The following EPHA5 variants were observed in gnomAD, a reference collection of about 807,000 sequenced individuals.
EPHA5 encodes the protein ephrin type-A receptor 5.
EPHA5 carries 60 observed loss-of-function variants against 105.0 expected under a neutral mutation model. The observed-to-expected ratio is 0.57, with a 90% CI of 0.46 to 0.71. The LOEUF (loss-of-function observed/expected upper bound fraction) is 0.71. Ranked by LOEUF, EPHA5 falls within the 30% of genes least tolerant of loss-of-function variation. The probability of loss-of-function intolerance (pLI) is 0.00; values close to 1 mark genes in which losing one functional copy is unlikely to be tolerated. For missense variants in EPHA5, 1,218 were observed against 1,274.7 expected (o/e 0.96, Z 0.68); for synonymous variants, 513 against 449.1 (o/e 1.14, Z -1.80).
At chr4:65,434,516 G>A (rs1207935734) in intron 5 of EPHA5, among the ~76,000 whole-genome samples, 3 of 151,842 alleles carry the variant, frequency 2.0e-5, no homozygotes, top group African/African-American at 7.3e-5. Context: ...CACTTTCCAC[G>A]GGACTACTTA....
Position 65,601,987 on chromosome 4 carries a change from A to G in EPHA5, c.564T>C (p.Leu188=), listed in dbSNP as rs956387294. 6.2e-7 allele frequency: 1 copy of G among 1,614,166 alleles called. No individual in the cohort carries two copies. The highest frequency in any genetic ancestry group is 1.1e-5 in the South Asian group (1 of 91,090). The change falls in exon 3 of 17, where the codon CTT becomes CTC. Residue 188 remains leucine (L), a synonymous_variant. Transcript: ENST00000613740. ...TATTCAGTTTCATAACACGGTCACC[A>G]AGATCAAGTTCTGTAAAGCTTTCAT... ...AADESFTELD[L]GDRVMKLNTE...
chr4:65,360,992 G>A (rs1717251168), intron 11 of EPHA5, among the ~76,000 whole-genome samples: 1 of 151,504 alleles, frequency 6.6e-6, no homozygotes, highest in South Asian at 2.1e-4. Flanking sequence ...AATGCCACTG[G>A]TATTTAGACA....
chr4:65,573,788 C>G, intron 3 of EPHA5: 2 of 1,613,516 alleles, frequency 1.2e-6, no homozygotes, highest in Non-Finnish European at 1.7e-6. Context: ...TTAAACTTCG[C>G]AAAATGCCTA....
intron 3 of EPHA5, among the ~76,000 whole-genome samples, chr4:65,509,384 G>A (rs528921225): frequency 3.3e-5 from 5 of 152,208 alleles, no homozygotes; most frequent in Admixed American, 6.6e-5. Context: ...CCCTCCCAGA[G>A]TCTATATTTG....
chr4:65,379,935 C>T (rs190831840), intron 8 of EPHA5, among the ~76,000 whole-genome samples: 2 of 151,658 alleles, frequency 1.3e-5, no homozygotes, highest in Non-Finnish European at 3.0e-5. Context: ...TTAACAATGG[C>T]CCCCTAATAA....
At chr4:65,634,639 C>T (rs1419862201) in intron 2 of EPHA5, among the ~76,000 whole-genome samples, 2 of 151,862 alleles carry the variant, frequency 1.3e-5, no homozygotes, top group African/African-American at 4.8e-5. Context: ...CAGGCTTGTT[C>T]TTCATTATAT....
At chr4:65,352,969 GCAT>G in intron 12 of EPHA5, 70 bp downstream of exon 12, 2 of 1,013,830 alleles carry the variant, frequency 2.0e-6, no homozygotes, top group Non-Finnish European at 2.8e-6. Flanking sequence ...CAACATCACA[GCAT>G]CATCATCACA....
chr4:65,457,889 A>G (rs1224011519), intron 5 of EPHA5, among the ~76,000 whole-genome samples: 1 of 151,968 alleles, frequency 6.6e-6, no homozygotes, highest in Non-Finnish European at 1.5e-5. Flanking sequence ...CCTAGCTAAC[A>G]GGGTGAAACC....
chr4:65,592,206 T>C (rs562948368), intron 3 of EPHA5, among the ~76,000 whole-genome samples: 27 of 152,286 alleles, frequency 1.8e-4, no homozygotes, highest in African/African-American at 6.3e-4. Flanking sequence ...ACGTTCCTGT[T>C]ATGTTTTGTT....
chr4:65,669,401 G>A (rs1320524528), intron 1 of EPHA5, 161 bp downstream of exon 1: 1 of 985,284 alleles, frequency 1.0e-6, no homozygotes. Flanking sequence ...ACCGCAGAGG[G>A]GAGCGAAAAG....
At chr4:65,373,785 A>T (rs1718720538) in intron 8 of EPHA5, among the ~76,000 whole-genome samples, 1 of 151,912 alleles carries the variant, frequency 6.6e-6, no homozygotes, top group African/African-American at 2.4e-5. Flanking sequence ...CTATTTTCAA[A>T]ATAGTGACTG....
chr4:65,371,347 G>A (rs942425631), intron 8 of EPHA5, among the ~76,000 whole-genome samples: 4 of 151,976 alleles, frequency 2.6e-5, no homozygotes, highest in African/African-American at 7.2e-5. Context: ...CCTAGAGAGA[G>A]ATGCTAGATA....
At chr4:65,579,426 G>C (rs1248473670) in intron 3 of EPHA5, among the ~76,000 whole-genome samples, 3 of 148,646 alleles carry the variant, frequency 2.0e-5, no homozygotes, top group Non-Finnish European at 4.5e-5. Flanking sequence ...GTCATCTCAG[G>C]ATTGTGGCAG....
At chr4:65,325,156 T>G (rs915397468) in intron 16 of EPHA5, among the ~76,000 whole-genome samples, 2 of 151,450 alleles carry the variant, frequency 1.3e-5, no homozygotes, top group African/African-American at 4.8e-5. Flanking sequence ...ATTACCTTAT[T>G]GAACACATTA....
intron 3 of EPHA5, among the ~76,000 whole-genome samples, chr4:65,519,956 A>C (rs1734514466): frequency 6.6e-6 from 1 of 152,104 alleles, no homozygotes; most frequent in South Asian, 2.1e-4. Context: ...TACTGCCCAA[A>C]GTAATTTATA....
At chr4:65,509,987 G>A (rs932910302) in intron 3 of EPHA5, among the ~76,000 whole-genome samples, 3 of 150,950 alleles carry the variant, frequency 2.0e-5, no homozygotes, top group Non-Finnish European at 2.9e-5. Context: ...CATTGTGGAC[G>A]ACATTTCAAG....
chr4:65,356,582 G>T (rs978797517), intron 11 of EPHA5, among the ~76,000 whole-genome samples: 1 of 151,638 alleles, frequency 6.6e-6, no homozygotes, highest in East Asian at 1.9e-4. Context: ...TTATGACAGT[G>T]TAGGTTGTGA....
intron 1 of EPHA5, among the ~76,000 whole-genome samples, chr4:65,657,656 T>C (rs1040815355): frequency 3.3e-5 from 5 of 152,118 alleles, no homozygotes; most frequent in Non-Finnish European, 7.4e-5. Flanking sequence ...GGTTATGGAT[T>C]TATGAAAAGA....
rs577383775 is a variant in EPHA5 at position 65,669,296 on chromosome 4, G to A, written c.181+266C>T. On this transcript the variant is annotated intron_variant, in intron 1 of 16. Transcript: ENST00000613740. The stretch of plus-strand genomic sequence containing the variant: ...GAGGCCTCGACCTCCTTTCCCCCAA[G>A]GTTTTCCACCTTCCCAGCCCCCCAA... The A allele has an allele frequency of 9.3e-6, 7 of 754,694 alleles. No individual in the cohort carries two copies. In the South Asian group the frequency reaches 2.4e-4, roughly 26 times the overall value. 46.7% of individuals were successfully genotyped at this position (754,694 alleles called of 1,614,324 possible).
Sources: allele counts gnomAD v4.1 joint callset (sites outside exome capture counted in the v4.1 genomes callset), GRCh38; gene constraint gnomAD v4.1.1; transcripts MANE v1.5; gene names NCBI Gene and HGNC (gene_info 2026-07-23, HGNC 2026-07-21).